The following DPP6 variants were observed in gnomAD, a reference collection of about 807,000 sequenced individuals.
The protein encoded by DPP6 is dipeptidyl peptidase like 6.
Under a neutral mutation model 122.6 loss-of-function variants are expected in DPP6, and 69 were observed. The observed-to-expected ratio is 0.56, with a 90% CI of 0.46 to 0.69. The LOEUF (loss-of-function observed/expected upper bound fraction) is 0.69, where lower values mean the gene tolerates loss of function less well. Ranked by LOEUF, DPP6 falls within the 30% of genes least tolerant of loss-of-function variation. DPP6 has a pLI of 0.00. For missense variants in DPP6, 928 were observed against 1,116.9 expected, an observed-to-expected ratio of 0.83 and a Z score of 2.41; for synonymous variants, 418 against 433.1, an observed-to-expected ratio of 0.97 and a Z score of 0.43.
At chr7:153,790,104 A>C in the DPP6 span, among the ~76,000 whole-genome samples, 1 of 152,184 alleles carries the variant, frequency 6.6e-6, no homozygotes. Context: ...AATTTCAGTA[A>C]CTATTTTTTA....
chr7:154,341,043 T>C (rs1050517257), intron 1 of DPP6, among the ~76,000 whole-genome samples: 4 of 152,344 alleles, frequency 2.6e-5, no homozygotes, highest in Admixed American at 6.5e-5. Context: ...CATTCTCTAA[T>C]GAATGGATTC....
chr7:154,300,236 A>C lies in DPP6; in HGVS notation c.244-145978A>C, dbSNP rs1297547119. Among the ~76,000 whole-genome samples the C allele has an allele frequency of 2.6e-5, 4 of 152,180 alleles. No individual in the cohort carries two copies. The East Asian group carries it at 7.7e-4, about 29-fold the overall frequency. Reference sequence around the variant, plus strand: ...CTCCAGGGGGTACCTATGCCCAGTGACTACAGAGAAGACCCGTCTTGGCTG... The same window carrying C: ...CTCCAGGGGGTACCTATGCCCAGTGCCTACAGAGAAGACCCGTCTTGGCTG... On this transcript the variant is annotated intron_variant, in intron 1 of 25. Coordinates refer to ENST00000377770, the MANE Select transcript of DPP6 (RefSeq NM_130797.4).
intron 1 of DPP6, among the ~76,000 whole-genome samples, chr7:154,269,914 C>G (rs887382399): frequency 5.9e-5 from 9 of 152,112 alleles, no homozygotes; most frequent in Admixed American, 5.9e-4. Flanking sequence ...AAAATTCATG[C>G]TATAAAATGA....
chr7:154,105,443 C>G (rs1217595798), intron 1 of DPP6, among the ~76,000 whole-genome samples: 1 of 152,212 alleles, frequency 6.6e-6, no homozygotes, highest in African/African-American at 2.4e-5. Context: ...CAAATAACGA[C>G]CAGCCTTTCC....
chr7:154,794,404 C>T (rs1797886634), intron 11 of DPP6, among the ~76,000 whole-genome samples: 2 of 152,214 alleles, frequency 1.3e-5, no homozygotes, highest in African/African-American at 2.4e-5. Context: ...GCCGCAGACC[C>T]GACCGAACCC....
intron 17 of DPP6, among the ~76,000 whole-genome samples, chr7:154,866,203 C>T (rs1803862050): frequency 6.6e-6 from 1 of 152,230 alleles, no homozygotes; most frequent in South Asian, 2.1e-4. Context: ...CTCTTCATTA[C>T]CAGGCAGCAC....
intron 1 of DPP6, among the ~76,000 whole-genome samples, chr7:154,242,122 C>A (rs928137145): frequency 6.6e-6 from 1 of 152,152 alleles, no homozygotes; most frequent in Non-Finnish European, 1.5e-5. Flanking sequence ...TCTGAAACAA[C>A]AAAGGGACCT....
At chr7:153,872,560 T>C in the DPP6 span, among the ~76,000 whole-genome samples, 6 of 152,232 alleles carry the variant, frequency 3.9e-5, no homozygotes, top group Non-Finnish European at 8.8e-5. Flanking sequence ...ATAGATAACA[T>C]ATACTGAATG....
rs139800319 is a variant in DPP6 at position 154,273,188 on chromosome 7, A to G, written c.244-173026A>G. ...GAGTGCAATCAATTTGCAATTCCCA[A>G]TAATGTAGAGAGCTGCCTCTTTGTC... is the stretch of plus-strand genomic sequence containing the variant. On this transcript the variant is annotated intron_variant, in intron 1 of 25. Transcript: ENST00000377770. Among the ~76,000 whole-genome samples the G allele has an allele frequency of 8.3e-3, 1,266 of 152,290 alleles. 7 individuals are homozygous for G. Among genetic ancestry groups the G allele is most frequent in the Non-Finnish European group, 0.014 (968 of 68,032 alleles).
chr7:154,285,613 A>G (rs929641478), intron 1 of DPP6, among the ~76,000 whole-genome samples: 3 of 152,244 alleles, frequency 2.0e-5, no homozygotes, highest in African/African-American at 4.8e-5. Flanking sequence ...AATCACAGCC[A>G]TAGTAACTTC....
intron 1 of DPP6, among the ~76,000 whole-genome samples, chr7:154,378,486 A>C (rs924176168): frequency 6.6e-6 from 1 of 152,212 alleles, no homozygotes; most frequent in Admixed American, 6.5e-5. Context: ...ATTCTGGTGG[A>C]TGGGAAGTTC....
intron 1 of DPP6, among the ~76,000 whole-genome samples, chr7:153,988,913 C>T (rs1796987473): frequency 6.7e-6 from 1 of 148,992 alleles, no homozygotes; most frequent in Non-Finnish European, 1.5e-5. Context: ...GTCAGGCGGG[C>T]CAGCGCGCCG....
At chr7:154,290,459 C>T (rs980378357) in intron 1 of DPP6, among the ~76,000 whole-genome samples, 38 of 151,970 alleles carry the variant, frequency 2.5e-4, no homozygotes, top group African/African-American at 8.4e-4. Flanking sequence ...GCAATCTGAG[C>T]CTTCGCCCTG....
chr7:154,030,751 C>CCTATGGGGGGA (rs2129054801), intron 1 of DPP6, among the ~76,000 whole-genome samples: 1 of 152,238 alleles, frequency 6.6e-6, no homozygotes, highest in East Asian at 1.9e-4. Flanking sequence ...TCCCCACTCC[C>CCTATGGGGGGA]AGCCATAGGA....
At chr7:154,538,982 C>A (rs1261473537) in intron 3 of DPP6, among the ~76,000 whole-genome samples, 1 of 152,152 alleles carries the variant, frequency 6.6e-6, no homozygotes, top group African/African-American at 2.4e-5. Flanking sequence ...GATCTAGGAC[C>A]ATGTCGATGA....
chr7:154,382,620 T>C (rs1379268765), intron 1 of DPP6, among the ~76,000 whole-genome samples: 1 of 152,256 alleles, frequency 6.6e-6, no homozygotes, highest in Non-Finnish European at 1.5e-5. Flanking sequence ...TCTTCATGTG[T>C]TTTTTCTCCT....
At chr7:154,258,722 G>C (rs1464265343) in intron 1 of DPP6, among the ~76,000 whole-genome samples, 2 of 152,094 alleles carry the variant, frequency 1.3e-5, no homozygotes, top group Non-Finnish European at 2.9e-5. Flanking sequence ...ACAGAGTTCT[G>C]CTCTAAGAAA....
chr7:154,167,617 C>G (rs963696650), intron 1 of DPP6, among the ~76,000 whole-genome samples: 5 of 152,188 alleles, frequency 3.3e-5, no homozygotes, highest in Admixed American at 6.5e-5. Flanking sequence ...TATCTGCAGA[C>G]CCTTCTGGGG....
intron 1 of DPP6, among the ~76,000 whole-genome samples, chr7:153,901,397 A>G (rs1799633038): frequency 6.6e-6 from 1 of 152,350 alleles, no homozygotes; most frequent in South Asian, 2.1e-4. Flanking sequence ...TGCAATATAG[A>G]GTCTTCTGCG....
Sources: allele counts gnomAD v4.1 joint callset (sites outside exome capture counted in the v4.1 genomes callset), GRCh38; gene constraint gnomAD v4.1.1; transcripts MANE v1.5; gene names NCBI Gene and HGNC (gene_info 2026-07-23, HGNC 2026-07-21).